Variants in KAZN observed in about 807,000 individuals in gnomAD.
KAZN encodes kazrin.
In KAZN, 40 loss-of-function variants were observed where a neutral mutation model predicts 87.4. That is an observed-to-expected ratio of 0.46 (90% CI 0.36 to 0.60). The LOEUF (loss-of-function observed/expected upper bound fraction) is 0.60. KAZN is among the 20% of genes least tolerant of loss of function. The pLI is 0.00. For missense variants in KAZN, 898 were observed against 1,073.9 expected, an observed-to-expected ratio of 0.84 and a Z score of 2.29; for synonymous variants, 466 against 458.3, an observed-to-expected ratio of 1.02 and a Z score of -0.22.
intron 1 of KAZN, among the ~76,000 whole-genome samples, chr1:14,668,457 C>T (rs1211692135): frequency 6.6e-6 from 1 of 152,016 alleles, no homozygotes; most frequent in Non-Finnish European, 1.5e-5. Flanking sequence ...CAGAAGGTCT[C>T]CTCACCCAAG....
chr1:14,128,570 G>T (rs1439068471), intron 1 of KAZN, among the ~76,000 whole-genome samples: 4 of 152,094 alleles, frequency 2.6e-5, no homozygotes, highest in African/African-American at 7.2e-5. Context: ...CTCTTTGTGT[G>T]CCCAAATTTC....
rs1652466802 is a variant in KAZN at position 14,277,533 on chromosome 1, A to C, written c.249+96941A>C. On this transcript the variant is annotated intron_variant, in intron 2 of 16. Coordinates refer to the KAZN transcript ENST00000636203. Reference sequence around the variant, plus strand: ...ACAAATATTAGCTGGGCATGGTGGCAGGCGCCTGTAATCCCAGCTACTCGG... The same window carrying C: ...ACAAATATTAGCTGGGCATGGTGGCCGGCGCCTGTAATCCCAGCTACTCGG... 2.6e-5 allele frequency among the ~76,000 whole-genome samples: 4 copies of C among 152,118 alleles called. No homozygotes were observed. In the South Asian group the frequency reaches 8.3e-4, roughly 32 times the overall value.
intron 1 of KAZN, among the ~76,000 whole-genome samples, chr1:14,132,744 C>G (rs755158168): frequency 2.0e-5 from 3 of 152,130 alleles, no homozygotes; most frequent in Admixed American, 6.5e-5. Flanking sequence ...TATGTTTCCC[C>G]CATACATGAC....
intron 2 of KAZN, among the ~76,000 whole-genome samples, chr1:15,008,925 G>T (rs1669306260): frequency 6.6e-6 from 1 of 152,226 alleles, no homozygotes; most frequent in Non-Finnish European, 1.5e-5. Context: ...CTCAGTTCCT[G>T]TTATTCCCCC....
chr1:14,163,228 G>C (rs1173495232), intron 1 of KAZN, among the ~76,000 whole-genome samples: 3 of 152,154 alleles, frequency 2.0e-5, no homozygotes, highest in Non-Finnish European at 2.9e-5. Flanking sequence ...TTATTAAAAA[G>C]TTTTAGAGTG....
chr1:14,431,114 C>T lies in KAZN; in HGVS notation c.250-167869C>T, dbSNP rs117308444. Among the ~76,000 whole-genome samples the T allele has an allele frequency of 5.6e-4, 85 of 152,210 alleles. No homozygotes were observed. The East Asian group carries it at 0.012, about 21-fold the overall frequency. On this transcript the variant is annotated intron_variant, in intron 2 of 16. Coordinates refer to the KAZN transcript ENST00000636203. ...TAATGAATGGGTGACCAAATGAATA[C>T]GCATATTGAAGAACAAAGTATATAA...
chr1:14,790,818 G>C, intron 1 of KAZN, among the ~76,000 whole-genome samples: 1 of 152,092 alleles, frequency 6.6e-6, no homozygotes, highest in Admixed American at 6.6e-5. Flanking sequence ...TCAGCCTCCC[G>C]AGTAGCTGGA....
chr1:14,832,204 A>G (rs551221322), intron 1 of KAZN, among the ~76,000 whole-genome samples: 144 of 151,926 alleles, frequency 9.5e-4, no homozygotes, highest in African/African-American at 3.4e-3. Flanking sequence ...CTCAAAAAAA[A>G]AAAAAAAGAC....
chr1:14,962,088 G>C (rs1011196700), intron 2 of KAZN, among the ~76,000 whole-genome samples: 1 of 152,232 alleles, frequency 6.6e-6, no homozygotes, highest in African/African-American at 2.4e-5. Context: ...AGAGAGAATG[G>C]ATTTTGCTGG....
intron 2 of KAZN, among the ~76,000 whole-genome samples, chr1:14,570,393 TC>T (rs1328064411): frequency 6.6e-6 from 1 of 152,198 alleles, no homozygotes; most frequent in Non-Finnish European, 1.5e-5. Context: ...ACCCTCCTCC[TC>T]CTCCCAATTC....
At chr1:14,861,674 C>T (rs1201538842) in intron 1 of KAZN, among the ~76,000 whole-genome samples, 2 of 152,100 alleles carry the variant, frequency 1.3e-5, no homozygotes, top group Non-Finnish European at 2.9e-5. Context: ...GGGCTGGGGT[C>T]CTGAGCATTA....
intron 1 of KAZN, among the ~76,000 whole-genome samples, chr1:13,979,930 C>CAA (rs142839854): frequency 4.5e-4 from 45 of 100,358 alleles, no homozygotes; most frequent in Middle Eastern, 5.0e-3. Flanking sequence ...GACTCCGTCT[C>CAA]AAAAAAAAAA....
At chr1:14,997,196 CT>C (rs1434593569) in intron 2 of KAZN, among the ~76,000 whole-genome samples, 2 of 131,050 alleles carry the variant, frequency 1.5e-5, no homozygotes, top group African/African-American at 6.5e-5. Flanking sequence ...TCTTTTCTTT[CT>C]TTCTTTCATT....
chr1:14,608,246 TTCTC>T (rs1434073073), intron 1 of KAZN, among the ~76,000 whole-genome samples: 1 of 152,248 alleles, frequency 6.6e-6, no homozygotes, highest in Admixed American at 6.5e-5. Flanking sequence ...TCTTCCTCGC[TTCTC>T]TCTGTCTCCA....
At chr1:14,767,186 C>T (rs576289928) in intron 1 of KAZN, among the ~76,000 whole-genome samples, 10 of 152,270 alleles carry the variant, frequency 6.6e-5, no homozygotes, top group Non-Finnish European at 1.2e-4. Flanking sequence ...GGGCTAGTTA[C>T]TGTGGGGAAG....
chr1:14,055,119 G>A (rs1314188957), intron 1 of KAZN, among the ~76,000 whole-genome samples: 1 of 152,188 alleles, frequency 6.6e-6, no homozygotes, highest in Admixed American at 6.5e-5. Flanking sequence ...CTTTGGTTAA[G>A]AACCATCGGT....
chr1:14,431,450 T>C (rs1188377894), intron 2 of KAZN, among the ~76,000 whole-genome samples: 2 of 152,212 alleles, frequency 1.3e-5, no homozygotes, highest in Non-Finnish European at 2.9e-5. Context: ...AATGGGGACC[T>C]GTGATGGCTA....
chr1:14,337,206 T>A (rs192311100), intron 2 of KAZN, among the ~76,000 whole-genome samples: 53 of 152,346 alleles, frequency 3.5e-4, no homozygotes, highest in Non-Finnish European at 2.6e-4. Flanking sequence ...GTGTTTGATA[T>A]GTAATTTTGA....
chr1:14,947,326 G>A (rs567464618), intron 1 of KAZN, among the ~76,000 whole-genome samples: 55 of 152,236 alleles, frequency 3.6e-4, no homozygotes, highest in Non-Finnish European at 6.6e-4. Context: ...CCTGCACAGT[G>A]AGGATGTGGA....
Sources: gnomAD v4.1 joint callset for allele counts (sites outside exome capture counted in the v4.1 genomes callset) on GRCh38, gnomAD v4.1.1 for gene constraint, MANE v1.5 for transcripts, NCBI Gene and HGNC (gene_info 2026-07-23, HGNC 2026-07-21) for gene names.